The following PABPC4L variants were observed in gnomAD, a reference collection of about 807,000 sequenced individuals.
PABPC4L encodes poly(A) binding protein cytoplasmic 4 like, also known as polyadenylate-binding protein 4-like.
For missense variants in PABPC4L, 452 were observed against 451.4 expected (o/e 1.00, Z -0.01); for synonymous variants, 169 against 164.1 (o/e 1.03, Z -0.23).
At chr4:134,015,174 C>A in the PABPC4L span, among the ~76,000 whole-genome samples, 8 of 152,170 alleles carry the variant, frequency 5.3e-5, no homozygotes, top group Non-Finnish European at 8.8e-5. Flanking sequence ...CCGCAGTGCG[C>A]TTTAAAAAGA....
the PABPC4L span, among the ~76,000 whole-genome samples, chr4:133,983,700 G>A: frequency 6.6e-6 from 1 of 151,670 alleles, no homozygotes; most frequent in Admixed American, 6.6e-5. Flanking sequence ...TATAAACTTG[G>A]AATATTTTGT....
At chr4:134,106,025 G>A in the PABPC4L span, among the ~76,000 whole-genome samples, 7 of 151,434 alleles carry the variant, frequency 4.6e-5, no homozygotes, top group African/African-American at 1.2e-4. Flanking sequence ...GTCATGTTAC[G>A]CTTATCCTGT....
the PABPC4L span, among the ~76,000 whole-genome samples, chr4:134,093,492 T>A: frequency 6.6e-6 from 1 of 151,644 alleles, no homozygotes; most frequent in Non-Finnish European, 1.5e-5. Flanking sequence ...TTTATCTGTA[T>A]TTTATAGTTT....
At chr4:133,988,911 T>C in the PABPC4L span, among the ~76,000 whole-genome samples, 1 of 152,162 alleles carries the variant, frequency 6.6e-6, no homozygotes, top group South Asian at 2.1e-4. Flanking sequence ...AAACCTAAAT[T>C]CTTGTCTTCT....
chr4:134,028,156 T>C, the PABPC4L span, among the ~76,000 whole-genome samples: 2 of 152,142 alleles, frequency 1.3e-5, no homozygotes, highest in African/African-American at 4.8e-5. Flanking sequence ...ACTCTAGAGA[T>C]AGGACTCCAC....
chr4:133,971,120 T>A, the PABPC4L span, among the ~76,000 whole-genome samples: 1 of 139,476 alleles, frequency 7.2e-6, no homozygotes, highest in Non-Finnish European at 1.6e-5. Flanking sequence ...TTTTTTTTTT[T>A]TTTTTTTTTT....
At chr4:133,976,369 G>T in the PABPC4L span, among the ~76,000 whole-genome samples, 18 of 152,076 alleles carry the variant, frequency 1.2e-4, no homozygotes, top group African/African-American at 4.3e-4. Context: ...TGGGCATTTG[G>T]GTTGATTCCA....
At chr4:134,028,052 A>G in the PABPC4L span, among the ~76,000 whole-genome samples, 1 of 151,474 alleles carries the variant, frequency 6.6e-6, no homozygotes, top group African/African-American at 2.4e-5. Flanking sequence ...GGTGTTTCTC[A>G]AAGTGCTGTC....
At chr4:134,042,595 G>A in the PABPC4L span, among the ~76,000 whole-genome samples, 1 of 152,132 alleles carries the variant, frequency 6.6e-6, no homozygotes, top group Non-Finnish European at 1.5e-5. Context: ...AATTCGAGGG[G>A]GAAGGGAACA....
the PABPC4L span, among the ~76,000 whole-genome samples, chr4:134,164,435 A>G: frequency 6.6e-6 from 1 of 152,140 alleles, no homozygotes; most frequent in South Asian, 2.1e-4. Flanking sequence ...CAAAGACTCA[A>G]GCTATAAAAT....
the PABPC4L span, among the ~76,000 whole-genome samples, chr4:134,092,196 C>T: frequency 6.6e-6 from 1 of 151,920 alleles, no homozygotes; most frequent in Non-Finnish European, 1.5e-5. Flanking sequence ...TTATTTTTCC[C>T]ACCCAATGTT....
the PABPC4L span, among the ~76,000 whole-genome samples, chr4:134,041,621 A>G: frequency 5.9e-5 from 9 of 152,020 alleles, no homozygotes; most frequent in African/African-American, 2.2e-4. Context: ...AGAAATACCC[A>G]GGTGATGAGT....
the PABPC4L span, among the ~76,000 whole-genome samples, chr4:134,121,503 A>C: frequency 5.5e-4 from 83 of 151,684 alleles, no homozygotes; most frequent in African/African-American, 1.8e-3. Context: ...TTCGGAGCTA[A>C]ATTTAAAGTT....
chr4:134,071,023 C>T, the PABPC4L span, among the ~76,000 whole-genome samples: 3 of 152,160 alleles, frequency 2.0e-5, no homozygotes, highest in African/African-American at 7.2e-5. Flanking sequence ...ACCCTGAGGG[C>T]TTCAGACAGG....
At chr4:134,184,530 T>A in the PABPC4L span, among the ~76,000 whole-genome samples, 1 of 152,034 alleles carries the variant, frequency 6.6e-6, no homozygotes, top group African/African-American at 2.4e-5. Flanking sequence ...TTTCACTTCA[T>A]AATATTCATT....
At chr4:134,142,475 T>C in the PABPC4L span, among the ~76,000 whole-genome samples, 2 of 151,708 alleles carry the variant, frequency 1.3e-5, no homozygotes, top group Non-Finnish European at 3.0e-5. Flanking sequence ...ATGTATCCGA[T>C]GCCTTTAGGA....
the PABPC4L span, among the ~76,000 whole-genome samples, chr4:134,026,156 T>G: frequency 6.6e-6 from 1 of 152,086 alleles, no homozygotes; most frequent in Non-Finnish European, 1.5e-5. Context: ...TAAATACTAG[T>G]CTCTTATTTA....
chr4:134,072,780 G>A, the PABPC4L span, among the ~76,000 whole-genome samples: 1 of 152,032 alleles, frequency 6.6e-6, no homozygotes, highest in Non-Finnish European at 1.5e-5. Flanking sequence ...TGGTGAAAGG[G>A]GAAGCAAACA....
At chr4:134,061,253 T>C in the PABPC4L span, among the ~76,000 whole-genome samples, 1 of 151,080 alleles carries the variant, frequency 6.6e-6, no homozygotes, top group Non-Finnish European at 1.5e-5. Context: ...CCAATTAGAG[T>C]ATGAGTGTTT....
Sources: allele counts gnomAD v4.1 joint callset (sites outside exome capture counted in the v4.1 genomes callset), GRCh38; gene constraint gnomAD v4.1.1; transcripts MANE v1.5; gene names NCBI Gene and HGNC (gene_info 2026-07-23, HGNC 2026-07-21).